The following ZNF487 variants were observed in gnomAD, a reference collection of about 807,000 sequenced individuals.
ZNF487 encodes KRAB domain only 1.
A neutral mutation model predicts 3.0 loss-of-function variants in ZNF487; 4 were observed. The ratio of observed to expected loss-of-function variants is 1.35; its 90% CI spans 0.66 to 3.08. The LOEUF (loss-of-function observed/expected upper bound fraction) is 3.08. Among genes scored for constraint, ZNF487 ranks in the 30% most tolerant of loss-of-function variants. ZNF487 has a pLI of 0.01. For synonymous variants in ZNF487, 55 were observed against 34.6 expected (o/e 1.59, Z -2.06); for missense variants, 146 against 98.7 (o/e 1.48, Z -2.03).
downstream of ZNF487, among the ~76,000 whole-genome samples, chr10:43,487,752 C>T (rs1277781095): frequency 1.3e-5 from 2 of 151,444 alleles, no homozygotes; most frequent in Admixed American, 6.6e-5. Context: ...GTGCCCGGCC[C>T]GAACATTTTT....
the ZNF487 span, among the ~76,000 whole-genome samples, chr10:43,503,631 G>A: frequency 1.3e-5 from 2 of 152,174 alleles, no homozygotes; most frequent in South Asian, 4.2e-4. Context: ...TTTGAGACAA[G>A]GTCTCTCTCT....
chr10:43,512,952 G>T, the ZNF487 span, among the ~76,000 whole-genome samples: 7 of 152,176 alleles, frequency 4.6e-5, no homozygotes, highest in Non-Finnish European at 8.8e-5. Context: ...CACACCACTG[G>T]ACCCCTAGAA....
chr10:43,464,168 A>G (rs1589038612), intron 1 of ZNF487, among the ~76,000 whole-genome samples: 1 of 151,550 alleles, frequency 6.6e-6, no homozygotes, highest in Non-Finnish European at 1.5e-5. Context: ...AATGCAAAGG[A>G]AAACTTTTTT....
the ZNF487 span, among the ~76,000 whole-genome samples, chr10:43,522,746 T>TA: frequency 9.3e-5 from 14 of 151,334 alleles, no homozygotes; most frequent in African/African-American, 2.7e-4. Flanking sequence ...AAACAAAAAA[T>TA]AAAAAAAATA....
At chr10:43,498,099 ATTTTTTTTTTTTTTCTTTTTTTTTTTT>A in the ZNF487 span, among the ~76,000 whole-genome samples, 4 of 20,184 alleles carry the variant, frequency 2.0e-4, no homozygotes, top group Admixed American at 9.0e-4. Flanking sequence ...ATATATATAT[ATTTTTTTTTTTTTTCTTTTTTTTTTTT>A]TTTTTTTTTT....
At chr10:43,454,015 T>TA (rs1366036818) in intron 1 of ZNF487, 1 of 152,194 alleles carries the variant, frequency 6.6e-6, no homozygotes, top group African/African-American at 2.4e-5. Context: ...TTTAATATTT[T>TA]AAAAAATTGT....
At chr10:43,516,778 C>T in the ZNF487 span, among the ~76,000 whole-genome samples, 2 of 152,192 alleles carry the variant, frequency 1.3e-5, no homozygotes, top group Non-Finnish European at 2.9e-5. Context: ...AGCCCACTGA[C>T]TCAAATGTTA....
At chr10:43,484,676 A>G (rs1564432217), downstream of ZNF487, among the ~76,000 whole-genome samples, 1 of 152,196 alleles carries the variant, frequency 6.6e-6, no homozygotes, top group Non-Finnish European at 1.5e-5. Context: ...AGATTGTGAA[A>G]CTGTAATCAA....
the ZNF487 span, among the ~76,000 whole-genome samples, chr10:43,501,840 C>A: frequency 6.6e-6 from 1 of 150,760 alleles, no homozygotes; most frequent in South Asian, 2.1e-4. Context: ...GGCTGGAGTA[C>A]AATGGTGCAG....
At chr10:43,506,445 T>C in the ZNF487 span, among the ~76,000 whole-genome samples, 1 of 152,102 alleles carries the variant, frequency 6.6e-6, no homozygotes, top group African/African-American at 2.4e-5. Flanking sequence ...TTGAGGCTAC[T>C]GTGAGCTGTG....
chr10:43,457,489 A>T (rs1840251967), intron 1 of ZNF487, among the ~76,000 whole-genome samples: 1 of 140,512 alleles, frequency 7.1e-6, no homozygotes, highest in African/African-American at 2.6e-5. Context: ...CTGGAGGTGG[A>T]GGTTGCAGTG....
chr10:43,461,542 A>G (rs1427168902), intron 1 of ZNF487, among the ~76,000 whole-genome samples: 4 of 151,958 alleles, frequency 2.6e-5, no homozygotes, highest in Non-Finnish European at 5.9e-5. Context: ...GCTGGTCTTG[A>G]ACTCCTGGGC....
At chr10:43,484,008 A>G (rs1841447451), downstream of ZNF487, among the ~76,000 whole-genome samples, 3 of 151,986 alleles carry the variant, frequency 2.0e-5, no homozygotes, top group South Asian at 6.2e-4. Flanking sequence ...AGCTGGGATT[A>G]CAGGTGTGTG....
the ZNF487 span, among the ~76,000 whole-genome samples, chr10:43,497,390 A>C: frequency 6.6e-6 from 1 of 152,106 alleles, no homozygotes; most frequent in African/African-American, 2.4e-5. Flanking sequence ...GTAGTTTCTG[A>C]ATATTCTAGG....
At chr10:43,498,104 T>TTTTTTTTTC in the ZNF487 span, among the ~76,000 whole-genome samples, 2 of 11,698 alleles carry the variant, frequency 1.7e-4, no homozygotes, top group Admixed American at 2.9e-3. Context: ...TATATATTTT[T>TTTTTTTTTC]TTTTTTTTTC....
At chr10:43,437,033 G>A (rs548161227), upstream of ZNF487, 9 of 341,074 alleles carry the variant, frequency 2.6e-5, no homozygotes, top group East Asian at 1.1e-3. Flanking sequence ...GAGCAGCAAG[G>A]CTTCCGGAAG....
chr10:43,479,155 G>A (rs1841219263), intron 3 of ZNF487, among the ~76,000 whole-genome samples: 1 of 148,164 alleles, frequency 6.7e-6, no homozygotes, highest in Non-Finnish European at 1.5e-5. Context: ...GTACTGATGA[G>A]GTCTTGCTGT....
At chr10:43,466,152 C>T (rs1018437936) in intron 1 of ZNF487, among the ~76,000 whole-genome samples, 18 of 43,030 alleles carry the variant, frequency 4.2e-4, no homozygotes, top group African/African-American at 1.4e-3. Flanking sequence ...AGTCCAGCTT[C>T]GGCTCGGCAT....
At chr10:43,499,845 A>G in the ZNF487 span, among the ~76,000 whole-genome samples, 1 of 152,086 alleles carries the variant, frequency 6.6e-6, no homozygotes, top group Non-Finnish European at 1.5e-5. Context: ...ATCAATGTAT[A>G]TAATCTGTTG....
Sources: allele counts gnomAD v4.1 joint callset (sites outside exome capture counted in the v4.1 genomes callset), GRCh38; gene constraint gnomAD v4.1.1; transcripts MANE v1.5; gene names NCBI Gene and HGNC (gene_info 2026-07-23, HGNC 2026-07-21).